The following IL1RAPL2 variants were observed in gnomAD, a reference collection of about 807,000 sequenced individuals.
IL1RAPL2 encodes X-linked interleukin-1 receptor accessory protein-like 2.
IL1RAPL2 carries 3 observed loss-of-function variants against 44.1 expected under a neutral mutation model. The ratio of observed to expected loss-of-function variants is 0.07; its 90% CI spans 0.03 to 0.18. IL1RAPL2 has a LOEUF of 0.18. Ranked by LOEUF, IL1RAPL2 falls within the 10% of genes least tolerant of loss-of-function variation. The pLI, the probability that IL1RAPL2 is intolerant of heterozygous loss-of-function variation, is 1.00. For missense variants in IL1RAPL2, 391 were observed against 496.4 expected (o/e 0.79, Z 2.02); for synonymous variants, 181 against 178.8 (o/e 1.01, Z -0.10).
At chrX:105,340,810 A>G (rs1300378219) in intron 5 of IL1RAPL2, among the ~76,000 whole-genome samples, 1 of 111,925 alleles carries the variant, frequency 8.9e-6, no homozygotes, top group Admixed American at 9.5e-5. Flanking sequence ...TTTGATGCAT[A>G]TCATTTGTTA....
intron 2 of IL1RAPL2, among the ~76,000 whole-genome samples, chrX:104,755,535 GTTT>G (rs1391070640): frequency 9.1e-6 from 1 of 110,461 alleles, no homozygotes; most frequent in African/African-American, 3.3e-5. Context: ...AGAAGTTAAA[GTTT>G]TTGAGAAATG....
intron 2 of IL1RAPL2, among the ~76,000 whole-genome samples, chrX:105,104,225 G>A (rs920517152): frequency 6.3e-5 from 7 of 110,914 alleles, no homozygotes; most frequent in South Asian, 3.9e-4. Flanking sequence ...AGCTATAAGC[G>A]TTTTATCTCC....
intron 2 of IL1RAPL2, among the ~76,000 whole-genome samples, chrX:105,029,892 T>G (rs886684310): frequency 4.5e-5 from 5 of 111,519 alleles, no homozygotes; most frequent in African/African-American, 1.6e-4. Flanking sequence ...TTCCTATTTC[T>G]CCACATCCTC....
chrX:105,317,166 C>T (rs1299140162), intron 5 of IL1RAPL2, among the ~76,000 whole-genome samples: 1 of 111,948 alleles, frequency 8.9e-6, no homozygotes, highest in Non-Finnish European at 1.9e-5. Context: ...TGAATATTTA[C>T]AAATATCTGT....
intron 6 of IL1RAPL2, among the ~76,000 whole-genome samples, chrX:105,711,518 C>T (rs536464834): frequency 1.8e-5 from 2 of 111,622 alleles, no homozygotes; most frequent in South Asian, 3.8e-4. Context: ...ACATTGGCAA[C>T]TGAATTTCAA....
At chrX:105,300,271 G>A (rs2034686631) in intron 5 of IL1RAPL2, among the ~76,000 whole-genome samples, 1 of 111,499 alleles carries the variant, frequency 9.0e-6, no homozygotes, top group African/African-American at 3.3e-5. Flanking sequence ...TATACAGGAA[G>A]CATAATGGGT....
At chrX:105,186,751 AACAC>A (rs1280598304) in intron 2 of IL1RAPL2, among the ~76,000 whole-genome samples, 1 of 112,172 alleles carries the variant, frequency 8.9e-6, no homozygotes, top group Non-Finnish European at 1.9e-5. Flanking sequence ...ATTTCTGAAA[AACAC>A]ACACAAATGA....
rs1217005206 is a variant in IL1RAPL2 at position 105,382,671 on chromosome X, A to G, written c.698-101642A>G. The stretch of plus-strand genomic sequence containing the variant: ...TGCTGCTATAAAGACACATGCACAC[A>G]TATGTTTATTGCGGCACTATTCACA... On this transcript the variant is annotated intron_variant, in intron 5 of 10. Coordinates refer to ENST00000372582, the MANE Select transcript of IL1RAPL2 (RefSeq NM_017416.2). Among the ~76,000 whole-genome samples, 120 of 105,843 alleles carry G rather than the reference A, an allele frequency of 1.1e-3. 1 individual carries two copies. The highest frequency in any genetic ancestry group is 3.8e-3 in the African/African-American group (103 of 27,160). The allele number at this position is 105,843 out of a possible 115,157, so 91.9% of individuals were successfully genotyped here. A position where few individuals can be genotyped will look rare whatever the true frequency, so the allele number is the denominator to read the frequency against.
chrX:104,710,073 T>C (rs1931431233), intron 2 of IL1RAPL2, among the ~76,000 whole-genome samples: 1 of 111,445 alleles, frequency 9.0e-6, no homozygotes, highest in African/African-American at 3.2e-5. Flanking sequence ...GAAAGCAGTT[T>C]GGCAGTTTCT....
chrX:105,075,304 T>A (rs2032277147), intron 2 of IL1RAPL2, among the ~76,000 whole-genome samples: 1 of 112,050 alleles, frequency 8.9e-6, no homozygotes, highest in African/African-American at 3.2e-5. Context: ...GATAATCATG[T>A]GGTTTTTGTC....
chrX:104,948,569 C>T (rs1383141328), intron 2 of IL1RAPL2, among the ~76,000 whole-genome samples: 1 of 108,739 alleles, frequency 9.2e-6, no homozygotes, highest in Admixed American at 9.9e-5. Context: ...ATAGATAGCT[C>T]TTATTATTTT....
At chrX:105,250,453 T>A (rs190245429) in intron 4 of IL1RAPL2, among the ~76,000 whole-genome samples, 3 of 111,082 alleles carry the variant, frequency 2.7e-5, no homozygotes, top group Admixed American at 9.6e-5. Flanking sequence ...ATGCAAAATG[T>A]TAATAATATG....
intron 5 of IL1RAPL2, among the ~76,000 whole-genome samples, chrX:105,442,662 C>T (rs900197308): frequency 6.2e-5 from 7 of 112,100 alleles, no homozygotes; most frequent in Non-Finnish European, 9.4e-5. Context: ...TATTTACACC[C>T]GAATCTTTGT....
At chrX:105,414,343 G>T (rs2035717763) in intron 5 of IL1RAPL2, among the ~76,000 whole-genome samples, 1 of 111,058 alleles carries the variant, frequency 9.0e-6, no homozygotes, top group African/African-American at 3.3e-5. Context: ...GGCCCGGCTG[G>T]TCTCACACTC....
intron 2 of IL1RAPL2, among the ~76,000 whole-genome samples, chrX:105,083,472 A>G (rs1251313453): frequency 9.0e-6 from 1 of 111,217 alleles, no homozygotes; most frequent in Non-Finnish European, 1.9e-5. Context: ...ATAGTTGTCA[A>G]GTATCTACTT....
intron 6 of IL1RAPL2, among the ~76,000 whole-genome samples, chrX:105,485,970 G>GC (rs1384601823): frequency 8.1e-5 from 9 of 111,792 alleles, no homozygotes; most frequent in Non-Finnish European, 1.7e-4. Flanking sequence ...TTGGGTATAT[G>GC]CCTAGCTGTG....
chrX:105,073,933 G>C (rs1410556209), intron 2 of IL1RAPL2, among the ~76,000 whole-genome samples: 1 of 111,211 alleles, frequency 9.0e-6, no homozygotes, highest in African/African-American at 3.3e-5. Flanking sequence ...TGTAGATTCT[G>C]GATATTAGCC....
chrX:104,570,597 G>A (rs760190438), intron 1 of IL1RAPL2, among the ~76,000 whole-genome samples: 1 of 112,006 alleles, frequency 8.9e-6, no homozygotes, highest in African/African-American at 3.2e-5. Context: ...CAAAGCTACC[G>A]CTATTTGGGC....
intron 2 of IL1RAPL2, among the ~76,000 whole-genome samples, chrX:104,908,258 A>G (rs1249809547): frequency 1.8e-5 from 2 of 111,671 alleles, no homozygotes; most frequent in East Asian, 2.8e-4. Context: ...TCTTTATCCA[A>G]TTTGTCAGTC....
Sources: allele counts gnomAD v4.1 joint callset (sites outside exome capture counted in the v4.1 genomes callset), GRCh38; gene constraint gnomAD v4.1.1; transcripts MANE v1.5; gene names NCBI Gene and HGNC (gene_info 2026-07-23, HGNC 2026-07-21).